The following CAMK1D variants were observed in gnomAD, a reference collection of about 807,000 sequenced individuals.
The protein encoded by CAMK1D is calcium/calmodulin-dependent protein kinase type 1D.
Under a neutral mutation model 47.7 loss-of-function variants are expected in CAMK1D, and 9 were observed. The observed-to-expected ratio is 0.19, with a 90% CI of 0.11 to 0.33. CAMK1D has a LOEUF of 0.33. CAMK1D is among the 10% of genes least tolerant of loss of function. The pLI is 1.00. For synonymous variants in CAMK1D, 184 were observed against 184.9 expected (o/e 0.99, Z 0.04); for missense variants, 291 against 488.7 (o/e 0.60, Z 3.81).
intron 1 of CAMK1D, among the ~76,000 whole-genome samples, chr10:12,430,951 TGCTGGCCAG>T (rs1832452652): frequency 1.3e-5 from 2 of 152,222 alleles, no homozygotes; most frequent in African/African-American, 4.8e-5. Flanking sequence ...GATTTCGCCA[TGCTGGCCAG>T]GCTGGTTTCA....
At chr10:12,666,527 G>A (rs1840435926) in intron 2 of CAMK1D, among the ~76,000 whole-genome samples, 1 of 152,216 alleles carries the variant, frequency 6.6e-6, no homozygotes, top group Non-Finnish European at 1.5e-5. Flanking sequence ...AGGGTATTGA[G>A]CCTTAGGAAC....
At chr10:12,411,324 C>T (rs954395623) in intron 1 of CAMK1D, among the ~76,000 whole-genome samples, 7 of 152,206 alleles carry the variant, frequency 4.6e-5, no homozygotes, top group Non-Finnish European at 8.8e-5. Context: ...GCTGTGCTTC[C>T]ACCATGCGGA....
In CAMK1D at chr10:12,439,213, C is replaced by T. The variant is rs77572511; in HGVS notation, c.92+89303C>T. On this transcript the variant is annotated intron_variant, in intron 1 of 10. Coordinates refer to ENST00000619168, the MANE Select transcript of CAMK1D (RefSeq NM_153498.4). Reference sequence around the variant, plus strand: ...ATTTTTCTTTTTCATAACTCATATTCGAAGTCATTCTTGACAGGTGCTTTC... The same window carrying T: ...ATTTTTCTTTTTCATAACTCATATTTGAAGTCATTCTTGACAGGTGCTTTC... 2.9e-4 allele frequency among the ~76,000 whole-genome samples: 44 copies of T among 152,266 alleles called. No individual in the cohort carries two copies. In the East Asian group the frequency reaches 8.3e-3, roughly 29 times the overall value.
At chr10:12,617,183 T>C (rs1838850711) in intron 2 of CAMK1D, among the ~76,000 whole-genome samples, 1 of 152,198 alleles carries the variant, frequency 6.6e-6, no homozygotes, top group Non-Finnish European at 1.5e-5. Context: ...TGCAGTAAGA[T>C]TACTAGTGCA....
In CAMK1D at chr10:12,612,260, G is replaced by A. The variant is rs1052045169; in HGVS notation, c.225-54476G>A. 3.9e-5 allele frequency among the ~76,000 whole-genome samples: 6 copies of A among 152,206 alleles called. 1 individual carries two copies. The highest frequency in any genetic ancestry group is 1.4e-4 in the African/African-American group (6 of 41,542). ...TTCGTGGAAGCACAAAAATAACTTC[G>A]GAGGGAGAGGGAAGGTTTCATATTC... is the stretch of plus-strand genomic sequence containing the variant. On this transcript the variant is annotated intron_variant, in intron 2 of 10. Transcript: ENST00000619168.
intron 1 of CAMK1D, among the ~76,000 whole-genome samples, chr10:12,437,170 GTCCA>G (rs991525039): frequency 1.8e-3 from 271 of 150,726 alleles, no homozygotes; most frequent in African/African-American, 6.2e-3. Context: ...TCATCTATCT[GTCCA>G]TCTGTCTGTC....
chr10:12,704,499 G>T (rs892640445), intron 3 of CAMK1D, among the ~76,000 whole-genome samples: 7 of 151,982 alleles, frequency 4.6e-5, no homozygotes, highest in African/African-American at 1.7e-4. Flanking sequence ...CCATCTCTAA[G>T]GTGATAACAT....
At chr10:12,630,820 T>C (rs1839359276) in intron 2 of CAMK1D, among the ~76,000 whole-genome samples, 1 of 152,190 alleles carries the variant, frequency 6.6e-6, no homozygotes, top group Non-Finnish European at 1.5e-5. Context: ...CTTCCTGCAC[T>C]GCACAATGTA....
At chr10:12,694,039 T>G (rs1474216772) in intron 3 of CAMK1D, among the ~76,000 whole-genome samples, 1 of 67,140 alleles carries the variant, frequency 1.5e-5, no homozygotes, top group Non-Finnish European at 2.5e-5. Flanking sequence ...ATATAAAATA[T>G]ACATATAATA....
chr10:12,428,129 C>T (rs970405391), intron 1 of CAMK1D, among the ~76,000 whole-genome samples: 9 of 152,050 alleles, frequency 5.9e-5, no homozygotes, highest in African/African-American at 1.7e-4. Flanking sequence ...TCAATCAACC[C>T]GTCATCTGCA....
At chr10:12,583,064 C>G (rs1425754561) in intron 2 of CAMK1D, among the ~76,000 whole-genome samples, 2 of 152,108 alleles carry the variant, frequency 1.3e-5, no homozygotes, top group Non-Finnish European at 2.9e-5. Flanking sequence ...ATGCAAGACT[C>G]CCATCTGTGA....
Position 12,493,581 on chromosome 10 carries a change from C to T in CAMK1D, c.93-59644C>T, listed in dbSNP as rs576767578. Among the ~76,000 whole-genome samples, 289 of 152,212 alleles carry T rather than the reference C, an allele frequency of 1.9e-3. 3 individuals are homozygous for T. The highest frequency in any genetic ancestry group is 6.6e-3 in the African/African-American group (276 of 41,516). On this transcript the variant is annotated intron_variant, in intron 1 of 10. Transcript: ENST00000619168. ...CAATCTCAGCTTACTGTGACCTCCACTTCCTGGGTTCAAGCGATTCTGCTC... is the reference window on the plus strand; with the variant it reads ...CAATCTCAGCTTACTGTGACCTCCATTTCCTGGGTTCAAGCGATTCTGCTC...
At chr10:12,429,666 A>G (rs1588476444) in intron 1 of CAMK1D, among the ~76,000 whole-genome samples, 1 of 151,794 alleles carries the variant, frequency 6.6e-6, no homozygotes, top group African/African-American at 2.4e-5. Flanking sequence ...ACATCCTGTG[A>G]CCCTGCACGA....
At chr10:12,828,705 A>G in intron 10 of CAMK1D, 64 bp from the exon 11 acceptor site, 1 of 1,244,062 alleles carries the variant, frequency 8.0e-7, no homozygotes. Flanking sequence ...GACACCTGGC[A>G]GTGGGAAGCA....
At chr10:12,361,325 C>A (rs996494394) in intron 1 of CAMK1D, among the ~76,000 whole-genome samples, 1 of 146,610 alleles carries the variant, frequency 6.8e-6, no homozygotes, top group Non-Finnish European at 1.5e-5. Context: ...TGGCTCACTG[C>A]AATCTCTGCC....
chr10:12,732,647 G>T (rs550815847), intron 3 of CAMK1D, among the ~76,000 whole-genome samples: 1 of 150,522 alleles, frequency 6.6e-6, no homozygotes, highest in Non-Finnish European at 1.5e-5. Context: ...GGAAAGATGG[G>T]CCCCCATTAT....
At chr10:12,638,759 C>T (rs564080541) in intron 2 of CAMK1D, among the ~76,000 whole-genome samples, 2 of 152,330 alleles carry the variant, frequency 1.3e-5, no homozygotes, top group South Asian at 4.1e-4. Flanking sequence ...TGCAGCCCCA[C>T]CTGTCTGCCC....
rs1047787860 is a variant in CAMK1D, at chr10:12,701,606, C to G, written c.299+34796C>G. ...AGTGACATGTCTGTGATGATCACCC[C>G]AGGCTTTCTACATCAAAATGTTTAA... On this transcript the variant is annotated intron_variant, in intron 3 of 10. Transcript: ENST00000619168. Among the ~76,000 whole-genome samples the G allele has an allele frequency of 2.0e-5, 3 of 152,206 alleles. No individual in the cohort carries two copies. In the South Asian group the frequency reaches 6.2e-4, roughly 32 times the overall value.
intron 1 of CAMK1D, among the ~76,000 whole-genome samples, chr10:12,486,025 C>T (rs992090900): frequency 6.6e-6 from 1 of 152,162 alleles, no homozygotes; most frequent in Non-Finnish European, 1.5e-5. Flanking sequence ...AGTCTCGTCT[C>T]CAGCTTGTTG....
Sources: gnomAD v4.1 joint callset for allele counts (sites outside exome capture counted in the v4.1 genomes callset) on GRCh38, gnomAD v4.1.1 for gene constraint, MANE v1.5 for transcripts, NCBI Gene and HGNC (gene_info 2026-07-23, HGNC 2026-07-21) for gene names.